Variants in TMEM243 observed in about 807,000 individuals in gnomAD.
The protein encoded by TMEM243 is MDR1 and mitochondrial taxol resistance associated.
TMEM243 carries 20 observed loss-of-function variants against 15.0 expected under a neutral mutation model. The observed-to-expected ratio is 1.33, with a 90% CI of 0.94 to 1.93. The LOEUF (loss-of-function observed/expected upper bound fraction) is 1.93. Among genes scored for constraint, TMEM243 ranks in the 30% most tolerant of loss-of-function variants. The pLI is 0.00. For missense variants in TMEM243, 156 were observed against 142.1 expected (o/e 1.10, Z -0.50); for synonymous variants, 72 against 52.7 (o/e 1.37, Z -1.59).
chr7:87,211,156 C>T (rs572008930), intron 1 of TMEM243, among the ~76,000 whole-genome samples: 1 of 152,348 alleles, frequency 6.6e-6, no homozygotes, highest in African/African-American at 2.4e-5. Context: ...CATTCAGCTC[C>T]TCAACTGCAT....
At chr7:87,205,888 A>G (rs887400393) in intron 1 of TMEM243, among the ~76,000 whole-genome samples, 1 of 152,144 alleles carries the variant, frequency 6.6e-6, no homozygotes, top group Non-Finnish European at 1.5e-5. Context: ...ATTCTCGGGT[A>G]TCTTTACAGC....
intron 1 of TMEM243, among the ~76,000 whole-genome samples, chr7:87,203,818 T>C (rs958707754): frequency 2.0e-5 from 3 of 152,094 alleles, no homozygotes; most frequent in Non-Finnish European, 2.9e-5. Flanking sequence ...ACAGAAAATA[T>C]AGATAATTCA....
At position 87,208,167 on chromosome 7, in the gene TMEM243, C is replaced by T. The variant is rs897843918; in HGVS notation, c.79-9110G>A. 2.0e-5 allele frequency among the ~76,000 whole-genome samples: 3 copies of T among 152,242 alleles called. No homozygotes were observed. The South Asian group carries it at 6.2e-4, about 32-fold the overall frequency. ...AACCAATCATGCCTTTGCAGCAGTC[C>T]CTAAAGTCTTAACTTATTTCAGCAT... On this transcript the variant is annotated intron_variant, in intron 1 of 3. Coordinates refer to ENST00000257637, the MANE Select transcript of TMEM243 (RefSeq NM_024315.4).
upstream of TMEM243, chr7:87,220,201 CAT>C (rs1190107616): frequency 6.5e-6 from 1 of 152,930 alleles, no homozygotes; most frequent in African/African-American, 2.4e-5. Context: ...GATTCCCTCT[CAT>C]GTGTTGCATC....
At chr7:87,209,842 CAG>C (rs1802597354) in intron 1 of TMEM243, among the ~76,000 whole-genome samples, 1 of 117,890 alleles carries the variant, frequency 8.5e-6, no homozygotes, top group Non-Finnish European at 1.7e-5. Flanking sequence ...GAGAGAGAGA[CAG>C]TGAGAGCGAG....
At chr7:87,207,595 CAA>C (rs575149921) in intron 1 of TMEM243, among the ~76,000 whole-genome samples, 3 of 4,790 alleles carry the variant, frequency 6.3e-4, no homozygotes, top group Non-Finnish European at 6.5e-4. Flanking sequence ...GACTCCGTCT[CAA>C]AAAAAAAAAA....
At chr7:87,201,729 C>A (rs746572341) in intron 1 of TMEM243, among the ~76,000 whole-genome samples, 1 of 152,216 alleles carries the variant, frequency 6.6e-6, no homozygotes, top group African/African-American at 2.4e-5. Context: ...ATTATTTCTA[C>A]TTCTACAGCT....
At chr7:87,196,949 A>G (rs1801327161) in intron 3 of TMEM243, among the ~76,000 whole-genome samples, 191 bp from the exon 4 acceptor site, 1 of 152,000 alleles carries the variant, frequency 6.6e-6, no homozygotes, top group South Asian at 2.1e-4. Context: ...ATCCAAGATC[A>G]TACTTATTCC....
At chr7:87,218,733 GA>G (rs1803282205) in intron 1 of TMEM243, 1 of 152,150 alleles carries the variant, frequency 6.6e-6, no homozygotes, top group Non-Finnish European at 1.5e-5. Flanking sequence ...ACTTTTAGAT[GA>G]AAAAATAAAC....
At chr7:87,216,987 T>C (rs886492429) in intron 1 of TMEM243, 2 of 152,198 alleles carry the variant, frequency 1.3e-5, no homozygotes, top group East Asian at 1.9e-4. Flanking sequence ...ACAAAGGAAT[T>C]TGATGATCAA....
chr7:87,209,804 G>A (rs1161172990), intron 1 of TMEM243, among the ~76,000 whole-genome samples: 1 of 142,366 alleles, frequency 7.0e-6, no homozygotes, highest in Non-Finnish European at 1.5e-5. Context: ...GAGACAGAGC[G>A]AGAGACAGTG....
Position 87,196,643 on chromosome 7 carries a change from C to T in TMEM243, c.350G>A (p.Gly117Glu). Residue 117 changes from glycine (G) to glutamate (E), a missense_variant, in exon 4 of 4, where the codon GGA (glycine) becomes GAA (glutamate). Coordinates refer to ENST00000257637, the MANE Select transcript of TMEM243 (RefSeq NM_024315.4). ...TACTTCTCCTTGGCAGCCTCACCTT[C>T]CCACATCATGGAAGTACAGGTTTGC... ...ICANLYFHDV[G>E]R is the part of the protein sequence containing the mutation. 1 of 1,608,502 alleles carries T rather than the reference C, an allele frequency of 6.2e-7. No homozygotes were observed. The highest frequency in any genetic ancestry group is 1.1e-5 in the South Asian group (1 of 89,794).
intron 1 of TMEM243, among the ~76,000 whole-genome samples, chr7:87,214,903 T>C (rs2129238758): frequency 6.6e-6 from 1 of 152,322 alleles, no homozygotes; most frequent in Non-Finnish European, 1.5e-5. Flanking sequence ...AAGACAATTT[T>C]ATATTTTTAA....
intron 2 of TMEM243, chr7:87,198,322 G>A (rs973103336): frequency 1.9e-5 from 6 of 321,310 alleles, no homozygotes; most frequent in Non-Finnish European, 2.8e-5. Flanking sequence ...TCACTCCCAG[G>A]ATTAATGATT....
intron 1 of TMEM243, among the ~76,000 whole-genome samples, chr7:87,203,666 A>G (rs1367266082): frequency 6.6e-6 from 1 of 152,084 alleles, no homozygotes; most frequent in Non-Finnish European, 1.5e-5. Context: ...AAATGTTTGT[A>G]TGAAGATTTC....
At chr7:87,212,364 C>T (rs1258637891) in intron 1 of TMEM243, among the ~76,000 whole-genome samples, 1 of 152,146 alleles carries the variant, frequency 6.6e-6, no homozygotes, top group African/African-American at 2.4e-5. Flanking sequence ...GGTTTATCCA[C>T]CCATATGTCC....
chr7:87,210,872 A>C (rs1802696783), intron 1 of TMEM243, among the ~76,000 whole-genome samples: 1 of 152,244 alleles, frequency 6.6e-6, no homozygotes, highest in African/African-American at 2.4e-5. Flanking sequence ...GGAGGCTCCC[A>C]AACTCTTGCC....
At chr7:87,207,949 G>A (rs1002565255) in intron 1 of TMEM243, among the ~76,000 whole-genome samples, 13 of 152,116 alleles carry the variant, frequency 8.5e-5, no homozygotes, top group African/African-American at 2.9e-4. Flanking sequence ...CAGAGCTCAT[G>A]AGACTTATTT....
At chr7:87,198,291 A>G in intron 2 of TMEM243, 2 of 376,932 alleles carry the variant, frequency 5.3e-6, no homozygotes, top group East Asian at 8.5e-5. Flanking sequence ...CTGATGCCAA[A>G]ATAACTTCAT....
Sources: allele counts gnomAD v4.1 joint callset (sites outside exome capture counted in the v4.1 genomes callset), GRCh38; gene constraint gnomAD v4.1.1; transcripts MANE v1.5; gene names NCBI Gene and HGNC (gene_info 2026-07-23, HGNC 2026-07-21).